Variants in IL9R observed in about 807,000 individuals in gnomAD.
IL9R encodes interleukin-9 receptor.
In IL9R, 54 loss-of-function variants were observed where a neutral mutation model predicts 56.3. That is an observed-to-expected ratio of 0.96 (90% confidence interval 0.77 to 1.20). The LOEUF is 1.20. IL9R is among the 50% of genes most tolerant of loss of function. The pLI is 0.00. For missense variants in IL9R, 545 were observed against 629.8 expected (o/e 0.87, Z 1.44); for synonymous variants, 212 against 250.2 (o/e 0.85, Z 1.44).
intron 1 of IL9R, among the ~76,000 whole-genome samples, chrX:156,001,845 G>T (rs781516029): frequency 6.6e-6 from 1 of 152,290 alleles, no homozygotes; most frequent in African/African-American, 2.4e-5. Flanking sequence ...CTCCCCTAGG[G>T]ATCCTGGGGC....
rs145702080 is a variant in IL9R, at chrX:156,003,759, G to A, written c.337G>A (p.Val113Met). 614 of 1,613,984 alleles carry A rather than the reference G, an allele frequency of 3.8e-4. 3 individuals carry two copies. The South Asian group carries it at 4.1e-3, about 11-fold the overall frequency. Residue 113 changes from valine (V) to methionine (M), a missense_variant, in exon 4 of 9, where the codon GTG (valine) becomes ATG (methionine). By Grantham distance (21) the Val-to-Met change is conservative (BLOSUM62 1). Transcript: ENST00000244174. ...CGTGCTGCCACCTGAGGCAGTGCTC[G>A]TGCCATCTGACAATTTCACCATCAC... ...TVVLPPEAVL[V>M]PSDNFTITFH...
rs781685141 is a variant in IL9R at position 156,003,794 on chromosome X, C to T, written c.372C>T (p.His124=). 1.9e-6 allele frequency: 3 copies of T among 1,613,696 alleles called. No individual in the cohort carries two copies. Among genetic ancestry groups the T allele is most frequent in the African/African-American group, 1.3e-5 (1 of 74,948 alleles). Residue 124 remains histidine, a synonymous_variant, in exon 4 of 9, where the codon CAC becomes CAT. Coordinates refer to ENST00000244174, the MANE Select transcript of IL9R (RefSeq NM_002186.3). ...ACAATTTCACCATCACTTTCCACCA[C>T]TGCATGTCTGGGAGGGAGCAGGTCA... ...PSDNFTITFH[H]CMSGREQVSL...
chrX:156,002,801 G>A (rs1347082896), intron 1 of IL9R, 105 bp from the exon 2 acceptor site: 8 of 1,510,820 alleles, frequency 5.3e-6, no homozygotes, highest in Middle Eastern at 2.4e-4. Flanking sequence ...CACTGTGTGA[G>A]TGCAGGTGGG....
intron 5 of IL9R, 132 bp downstream of exon 5, chrX:156,004,697 GCA>G (rs2067792541): frequency 1.1e-6 from 1 of 870,130 alleles, no homozygotes; most frequent in Non-Finnish European, 1.8e-6. Flanking sequence ...GGGTGTGTGT[GCA>G]CACACACATG....
At chrX:156,003,889 C>T (rs372123434) in intron 4 of IL9R, 34 bp downstream of exon 4, 7 of 1,610,010 alleles carry the variant, frequency 4.3e-6, no homozygotes, top group African/African-American at 4.0e-5. Context: ...GGCGGGGCCG[C>T]TTGGCAAGAA....
At chrX:156,004,694 T>G (rs1162450769) in intron 5 of IL9R, 129 bp downstream of exon 5, 1 of 902,088 alleles carries the variant, frequency 1.1e-6, no homozygotes, top group African/African-American at 1.6e-5. Flanking sequence ...GCGGGGTGTG[T>G]GTGCACACAC....
chrX:156,003,465 C>T lies in IL9R; in HGVS notation c.159C>T (p.Thr53=), dbSNP rs1339634333. 3.1e-6 allele frequency: 5 copies of T among 1,611,614 alleles called. No homozygotes were observed. The highest frequency in any genetic ancestry group is 3.3e-5 in the Admixed American group (2 of 59,996). Residue 53 remains threonine, a synonymous_variant, in exon 3 of 9, where the codon ACC becomes ACT. Transcript: ENST00000244174. ...TGTCTCCAGGGCCAAGGTCTAGAAC[C>T]TTCACCTGCCTCACCAACAACATTC... is the stretch of plus-strand genomic sequence containing the variant. ...TGEGQGPRSR[T]FTCLTNNILR...
intron 1 of IL9R, among the ~76,000 whole-genome samples, chrX:155,998,691 C>T (rs2067303361): frequency 6.6e-6 from 1 of 152,082 alleles, no homozygotes. Context: ...GAACACCGTC[C>T]AGAAGCAAGG....
Position 156,005,326 on chromosome X carries a change from G to C in IL9R, c.628G>C (p.Glu210Gln), listed in dbSNP as rs773689064. Residue 210 changes from glutamate (E) to glutamine (Q), a missense_variant, in exon 6 of 9, where the codon GAA becomes CAA. This residue lies in a region of IL9R where 431 missense variants were observed against 360.0 expected (regional missense o/e 1.20). Coordinates refer to ENST00000244174, the MANE Select transcript of IL9R (RefSeq NM_002186.3). ...HIVGVTWLIL[E>Q]AFELDPGFIH... ...TGTCGGGGTGACCTGGCTTATACTTGAAGCCTTTGAGCTGGACCCTGGCTT... is the reference window on the plus strand; with the variant it reads ...TGTCGGGGTGACCTGGCTTATACTTCAAGCCTTTGAGCTGGACCCTGGCTT... The C allele has an allele frequency of 6.2e-7, 1 of 1,612,324 alleles. No homozygotes were observed. The highest frequency in any genetic ancestry group is 1.1e-5 in the South Asian group (1 of 90,984).
intron 8 of IL9R, among the ~76,000 whole-genome samples, chrX:156,009,266 TTGTGTG>T (rs1569479099): frequency 3.1e-5 from 1 of 32,748 alleles, no homozygotes; most frequent in Admixed American, 2.6e-4. Context: ...GTGTGTGTGT[TTGTGTG>T]TGTATGTCTG....
At chrX:156,003,336 C>T (rs1186236475) in intron 2 of IL9R, 113 bp from the exon 3 acceptor site, 3 of 779,052 alleles carry the variant, frequency 3.9e-6, no homozygotes, top group Non-Finnish European at 4.5e-6. Context: ...ATTCTGGGAT[C>T]ATTTACTGGT....
At chrX:156,006,857 G>A (rs2068002018) in intron 7 of IL9R, among the ~76,000 whole-genome samples, 1 of 150,634 alleles carries the variant, frequency 6.6e-6, no homozygotes, top group African/African-American at 2.5e-5. Flanking sequence ...GGGACAAGGG[G>A]ACATGGGGGA....
intron 1 of IL9R, among the ~76,000 whole-genome samples, chrX:156,000,335 A>G (rs2067434777): frequency 6.6e-6 from 1 of 152,068 alleles, no homozygotes; most frequent in Non-Finnish European, 1.5e-5. Context: ...AGGTGAGGGC[A>G]GGGCAGCCCA....
At chrX:156,001,805 C>T (rs2067548947) in intron 1 of IL9R, among the ~76,000 whole-genome samples, 1 of 152,160 alleles carries the variant, frequency 6.6e-6, no homozygotes, top group Non-Finnish European at 1.5e-5. Flanking sequence ...CTTCCTGACA[C>T]CCAGCCCCTC....
chrX:156,001,666 T>C (rs1411405283), intron 1 of IL9R, among the ~76,000 whole-genome samples: 1 of 118 alleles, frequency 8.5e-3, no homozygotes, highest in Non-Finnish European at 0.022. Context: ...TCTGGTTTTT[T>C]CCTCCTCCTA....
Position 156,005,337 on chromosome X carries a change from G to T in IL9R, c.639G>T (p.Glu213Asp). The T allele has an allele frequency of 6.2e-7, 1 of 1,612,446 alleles. No individual in the cohort carries two copies. The highest frequency in any genetic ancestry group is 8.5e-7 in the Non-Finnish European group (1 of 1,179,834). ...CCTGGCTTATACTTGAAGCCTTTGA[G>T]CTGGACCCTGGCTTTATCCATGAGG... ...GVTWLILEAF[E>D]LDPGFIHEAR... The change falls in exon 6 of 9, where the codon GAG becomes GAT. Residue 213 changes from glutamate (E) to aspartate (D), a missense_variant. Physicochemically the swap from Glu to Asp is conservative, Grantham distance 45. This residue lies in a region of IL9R where 431 missense variants were observed against 360.0 expected (regional missense o/e 1.20). Coordinates refer to ENST00000244174, the MANE Select transcript of IL9R (RefSeq NM_002186.3).
intron 6 of IL9R, among the ~76,000 whole-genome samples, chrX:156,005,806 G>A (rs192556412): frequency 2.6e-5 from 4 of 152,094 alleles, no homozygotes; most frequent in Admixed American, 1.3e-4. Context: ...CTTGCGCACT[G>A]CAGTGCTGAG....
chrX:156,009,336 T>C (rs1198413235), intron 8 of IL9R, among the ~76,000 whole-genome samples: 2,128 of 134,414 alleles, frequency 0.016, 21 homozygotes, highest in African/African-American at 0.057. Context: ...CTGTGTGTGT[T>C]TGTGTGTGTG....
At chrX:156,009,403 C>G (rs868346599) in intron 8 of IL9R, among the ~76,000 whole-genome samples, 35 of 129,438 alleles carry the variant, frequency 2.7e-4, no homozygotes, top group South Asian at 5.2e-4. Context: ...GTGTGTGTCT[C>G]TGTGTGTGTG....
Sources: gnomAD v4.1 joint callset for allele counts (sites outside exome capture counted in the v4.1 genomes callset) on GRCh38, gnomAD v4.1.1 for gene constraint, gnomAD v4.1.1 regional missense constraint, MANE v1.5 for transcripts, NCBI Gene and HGNC (gene_info 2026-07-23, HGNC 2026-07-21) for gene names.